CCP110: variants seen among roughly 807,000 people sequenced by gnomAD.
CCP110 encodes centriolar coiled-coil protein of 110 kDa.
Under a neutral mutation model 105.5 loss-of-function variants are expected in CCP110, and 43 were observed. That is an observed-to-expected ratio of 0.41 (90% CI 0.32 to 0.53). The LOEUF (loss-of-function observed/expected upper bound fraction) is 0.53. Among genes scored for constraint, CCP110 ranks in the 20% least tolerant of loss-of-function variants. The pLI, the probability that CCP110 is intolerant of heterozygous loss-of-function variation, is 0.32. For missense variants in CCP110, 1,016 were observed against 1,189.1 expected (o/e 0.85, Z 2.14); for synonymous variants, 353 against 392.1 (o/e 0.90, Z 1.18).
At chr16:19,543,188 A>G (rs982796510) in intron 8 of CCP110, among the ~76,000 whole-genome samples, 194 bp downstream of exon 8, 2 of 152,264 alleles carry the variant, frequency 1.3e-5, no homozygotes, top group African/African-American at 4.8e-5. Context: ...GCCGCAGCAA[A>G]GGAATATAAA....
At chr16:19,551,994 G>A (rs1970656264) in exon 15 of CCP110, 1 of 152,074 alleles carries the variant, frequency 6.6e-6, no homozygotes, top group Admixed American at 6.5e-5. Flanking sequence ...GTAGCTCTTG[G>A]GAATGCATTA....
chr16:19,538,278 T>C (rs1399656674), intron 4 of CCP110, among the ~76,000 whole-genome samples: 1 of 148,062 alleles, frequency 6.8e-6, no homozygotes, highest in Admixed American at 6.9e-5. Flanking sequence ...TTATTGAGAA[T>C]ATTAATAATT....
At chr16:19,541,733 A>G (rs1448423163) in intron 5 of CCP110, among the ~76,000 whole-genome samples, 154 bp from the exon 6 acceptor site, 1 of 147,794 alleles carries the variant, frequency 6.8e-6, no homozygotes, top group Non-Finnish European at 1.5e-5. Flanking sequence ...AGGGAAGGGA[A>G]GGGAGAAGGA....
intron 1 of CCP110, chr16:19,525,781 A>T (rs1433927356): frequency 6.5e-6 from 1 of 152,674 alleles, no homozygotes; most frequent in Non-Finnish European, 1.5e-5. Context: ...CTGAAAAGGT[A>T]CCTGTACTTA....
At chr16:19,530,613 T>C (rs995962035) in intron 2 of CCP110, among the ~76,000 whole-genome samples, 1 of 149,968 alleles carries the variant, frequency 6.7e-6, no homozygotes, top group Non-Finnish European at 1.5e-5. Flanking sequence ...CTGAACCCAG[T>C]AGGCAAAGGT....
exon 4 of CCP110, chr16:19,537,585 A>C (rs1222194264): frequency 6.5e-7 from 1 of 1,526,898 alleles, no homozygotes; most frequent in Non-Finnish European, 8.9e-7. Context: ...ACTAGTTCCA[A>C]AGGTAAGGAA....
At chr16:19,551,214 T>G (rs1202723607) in exon 15 of CCP110, 1 of 1,611,988 alleles carries the variant, frequency 6.2e-7, no homozygotes, top group Non-Finnish European at 8.5e-7. Flanking sequence ...GCAGGAAAAA[T>G]CCAAAGAAAG....
intron 8 of CCP110, among the ~76,000 whole-genome samples, chr16:19,543,233 A>G (rs560967717): frequency 6.6e-6 from 1 of 152,368 alleles, no homozygotes; most frequent in African/African-American, 2.4e-5. Flanking sequence ...GACATATATC[A>G]GTTCCCAAAT....
intron 3 of CCP110, among the ~76,000 whole-genome samples, chr16:19,534,981 T>A (rs1309341425): frequency 1.3e-5 from 2 of 149,648 alleles, no homozygotes; most frequent in Non-Finnish European, 3.0e-5. Flanking sequence ...CCCAGATTCA[T>A]GCCATTCTCT....
rs1164690143 is a variant in CCP110, at chr16:19,538,302, C to CTTTTTTTTTT, written c.1918+734_1918+743dup. On this transcript the variant is annotated intron_variant, in intron 4 of 14. Transcript: ENST00000381396. The stretch of plus-strand genomic sequence containing the variant: ...ATATTAATAATTGGAGGAAACAGTT[C>CTTTTTTTTTT]TTTTTTTTTTTTTTTTTTTTTTTTT... Among the ~76,000 whole-genome samples, 516 of 55,238 alleles carry CTTTTTTTTTT rather than the reference C, an allele frequency of 9.3e-3. 108 individuals are homozygous for CTTTTTTTTTT. Among genetic ancestry groups the CTTTTTTTTTT allele is most frequent in the East Asian group, 0.036 (52 of 1,436 alleles). The allele number at this position is 55,238 out of a possible 152,430, so 36.2% of individuals were successfully genotyped here. A position where few individuals can be genotyped will look rare whatever the true frequency, so the allele number is the denominator to read the frequency against.
chr16:19,533,654 A>G (rs1452810614), intron 3 of CCP110, among the ~76,000 whole-genome samples: 2 of 152,218 alleles, frequency 1.3e-5, no homozygotes, highest in Non-Finnish European at 2.9e-5. Context: ...GTAGAGGAAG[A>G]AGTCAAATAT....
At chr16:19,530,158 C>T (rs1053832382) in intron 2 of CCP110, among the ~76,000 whole-genome samples, 1 of 152,020 alleles carries the variant, frequency 6.6e-6, no homozygotes. Context: ...GATCATGCCA[C>T]TGCACTCCAA....
chr16:19,542,332 C>T (rs1194491528), intron 6 of CCP110, among the ~76,000 whole-genome samples: 1 of 152,192 alleles, frequency 6.6e-6, no homozygotes, highest in Non-Finnish European at 1.5e-5. Flanking sequence ...AGGTGATATA[C>T]TTCAAGTGAA....
chr16:19,544,180 G>A (rs1339321621), intron 8 of CCP110, among the ~76,000 whole-genome samples: 1 of 152,028 alleles, frequency 6.6e-6, no homozygotes, highest in Non-Finnish European at 1.5e-5. Flanking sequence ...TTCTCATCTG[G>A]CTGACACTTA....
rs150252922 is a variant in CCP110 at position 19,548,725 on chromosome 16, A to T, written c.2986+125A>T. The T allele has an allele frequency of 1.6e-6, 1 of 613,666 alleles. No individual in the cohort carries two copies. The highest frequency in any genetic ancestry group is 2.8e-6 in the Non-Finnish European group (1 of 353,164). 38.0% of individuals were successfully genotyped at this position (613,666 alleles called of 1,614,324 possible). A position where few individuals can be genotyped will look rare whatever the true frequency, so the allele number is the denominator to read the frequency against. On this transcript the variant is annotated intron_variant, in intron 14 of 14. Transcript: ENST00000381396. The surrounding 1 kb of genome is among the most constrained non-coding windows in gnomAD (Gnocchi z 4.1). ...GCCACCATAATTTTGGCATATTCAC[A>T]GTCATCTTATTAGTGTTCTTTGGTC...
At chr16:19,535,485 C>T (rs1191439298) in intron 3 of CCP110, among the ~76,000 whole-genome samples, 6 of 152,066 alleles carry the variant, frequency 3.9e-5, no homozygotes, top group Non-Finnish European at 7.4e-5. Flanking sequence ...GAATCGTTTA[C>T]GTAAGACATT....
exon 4 of CCP110, chr16:19,537,158 A>T: frequency 6.2e-7 from 1 of 1,614,220 alleles, no homozygotes; most frequent in Non-Finnish European, 8.5e-7. Flanking sequence ...AATGAACAGT[A>T]CCTGTGCTGC....
At chr16:19,537,024 A>G (rs1970091072) in exon 4 of CCP110, 3 of 1,614,240 alleles carry the variant, frequency 1.9e-6, no homozygotes, top group African/African-American at 2.7e-5. Flanking sequence ...GTCAAAGAAG[A>G]TGTGGTTTTA....
exon 5 of CCP110, chr16:19,540,740 T>C: frequency 6.2e-7 from 1 of 1,613,518 alleles, no homozygotes; most frequent in South Asian, 1.1e-5. Context: ...CCAGCAATTA[T>C]CACTACTCAT....
Sources: allele counts gnomAD v4.1 joint callset (sites outside exome capture counted in the v4.1 genomes callset), GRCh38; gene constraint gnomAD v4.1.1; non-coding constraint Gnocchi (gnomAD v3.1); transcripts MANE v1.5; gene names NCBI Gene and HGNC (gene_info 2026-07-23, HGNC 2026-07-21).